Variants in MGAT4C observed in about 807,000 individuals in gnomAD.
MGAT4C encodes the protein alpha-1,3-mannosyl-glycoprotein 4-beta-N-acetylglucosaminyltransferase C.
In MGAT4C, 19 loss-of-function variants were observed where a neutral mutation model predicts 40.1. That is an observed-to-expected ratio of 0.47 (90% CI 0.33 to 0.70). The LOEUF (loss-of-function observed/expected upper bound fraction) is 0.70, where lower values mean the gene tolerates loss of function less well. Among genes scored for constraint, MGAT4C ranks in the 30% least tolerant of loss-of-function variants. MGAT4C has a pLI of 0.02. For missense variants in MGAT4C, 491 were observed against 563.2 expected (o/e 0.87, Z 1.30); for synonymous variants, 181 against 187.1 (o/e 0.97, Z 0.27).
At chr12:86,293,625 TTATGA>T (rs1953582034) in intron 4 of MGAT4C, among the ~76,000 whole-genome samples, 1 of 152,196 alleles carries the variant, frequency 6.6e-6, no homozygotes, top group Non-Finnish European at 1.5e-5. Context: ...AATTGAGTCA[TTATGA>T]TATGTTTGTA....
chr12:86,587,878 A>G (rs563282868), intron 2 of MGAT4C, among the ~76,000 whole-genome samples: 2 of 151,974 alleles, frequency 1.3e-5, no homozygotes, highest in East Asian at 2.0e-4. Flanking sequence ...TAGATATACA[A>G]TCATGTCATG....
In MGAT4C at chr12:86,232,788, T is replaced by C. The variant is rs139564811; in HGVS notation, c.-57+23451A>G. ...TGTGTCAAGGAGAAAAACAAATAAT[T>C]GGCAGCTGGATAAGAGGAGAAAATA... On this transcript the variant is annotated intron_variant, in intron 1 of 4. Transcript: ENST00000611864. Among the ~76,000 whole-genome samples, 315 of 152,194 alleles carry C rather than the reference T, an allele frequency of 2.1e-3. 1 individual carries two copies. The highest frequency in any genetic ancestry group is 7.0e-3 in the African/African-American group (289 of 41,528).
intron 2 of MGAT4C, among the ~76,000 whole-genome samples, chr12:86,603,564 TAGACTATAG>T (rs1593034321): frequency 2.6e-5 from 3 of 115,638 alleles, no homozygotes; most frequent in South Asian, 5.0e-4. Flanking sequence ...ATATAGTCTA[TAGACTATAG>T]ATAATATATA....
intron 4 of MGAT4C, among the ~76,000 whole-genome samples, chr12:86,280,204 C>T (rs1461254601): frequency 6.6e-6 from 1 of 151,830 alleles, no homozygotes; most frequent in Non-Finnish European, 1.5e-5. Context: ...TGATTTTCTG[C>T]CTGAAAGATT....
intron 4 of MGAT4C, among the ~76,000 whole-genome samples, chr12:86,275,721 T>A (rs1189669916): frequency 1.3e-5 from 2 of 152,012 alleles, no homozygotes; most frequent in Admixed American, 1.3e-4. Context: ...CTCAAGAAGC[T>A]GAGAAAGACA....
intron 4 of MGAT4C, among the ~76,000 whole-genome samples, chr12:86,273,269 G>A (rs1243125493): frequency 3.3e-5 from 5 of 151,964 alleles, no homozygotes; most frequent in Admixed American, 3.3e-4. Flanking sequence ...TGATTTTCCT[G>A]TATCTTAGAC....
At chr12:86,000,986 CA>C (rs1177468493) in intron 2 of MGAT4C, among the ~76,000 whole-genome samples, 2 of 152,138 alleles carry the variant, frequency 1.3e-5, no homozygotes, top group Non-Finnish European at 2.9e-5. Context: ...CCTGCGTTTG[CA>C]CCATCAAGAC....
In MGAT4C at chr12:86,833,282, A is replaced by T. The variant is rs1399454619; in HGVS notation, c.-262+5384T>A. Among the ~76,000 whole-genome samples, 6 of 152,006 alleles carry T rather than the reference A, an allele frequency of 3.9e-5. No individual in the cohort carries two copies. In the South Asian group the frequency reaches 1.2e-3, roughly 32 times the overall value. ...TAATTTTTAAATTTTTAACAGTGAA[A>T]GAGAGGGAGGAGAAAGAGAACACAG... On this transcript the variant is annotated intron_variant, in intron 1 of 7. Coordinates refer to the MGAT4C transcript ENST00000548651.
chr12:86,561,954 A>G (rs1959882742), intron 2 of MGAT4C, among the ~76,000 whole-genome samples: 1 of 152,206 alleles, frequency 6.6e-6, no homozygotes, highest in African/African-American at 2.4e-5. Context: ...AGTCCTGGGC[A>G]TGAACTGTTT....
intron 1 of MGAT4C, among the ~76,000 whole-genome samples, chr12:86,161,324 G>C (rs1885561952): frequency 6.6e-6 from 1 of 151,920 alleles, no homozygotes; most frequent in South Asian, 2.1e-4. Context: ...TAGACCAACA[G>C]ATCAGAATTT....
At chr12:86,824,691 A>T (rs1952769803) in intron 1 of MGAT4C, among the ~76,000 whole-genome samples, 1 of 149,806 alleles carries the variant, frequency 6.7e-6, no homozygotes, top group Non-Finnish European at 1.5e-5. Flanking sequence ...TTTACTTGAT[A>T]TCAAACATGA....
intron 2 of MGAT4C, among the ~76,000 whole-genome samples, chr12:86,045,098 C>T (rs1485188118): frequency 6.6e-6 from 1 of 152,082 alleles, no homozygotes; most frequent in African/African-American, 2.4e-5. Context: ...CTTCTGTCCA[C>T]CCTCAATGCC....
At chr12:86,829,376 G>C (rs1278357140) in intron 1 of MGAT4C, among the ~76,000 whole-genome samples, 2 of 151,370 alleles carry the variant, frequency 1.3e-5, no homozygotes, top group Non-Finnish European at 3.0e-5. Context: ...ACAACCATTA[G>C]GCTTTGTCAT....
chr12:86,376,455 T>C (rs918899280), intron 3 of MGAT4C, among the ~76,000 whole-genome samples: 109 of 152,154 alleles, frequency 7.2e-4, no homozygotes, highest in Non-Finnish European at 7.4e-5. Context: ...TGAAATACAA[T>C]TTTTTAGTCA....
intron 2 of MGAT4C, among the ~76,000 whole-genome samples, chr12:86,617,217 A>G (rs1269956513): frequency 1.3e-5 from 2 of 152,196 alleles, no homozygotes; most frequent in Non-Finnish European, 2.9e-5. Context: ...TAGTTTTGTA[A>G]TAGTTTCACG....
At chr12:86,597,693 G>A (rs1961594111) in intron 2 of MGAT4C, among the ~76,000 whole-genome samples, 1 of 152,090 alleles carries the variant, frequency 6.6e-6, no homozygotes, top group Non-Finnish European at 1.5e-5. Flanking sequence ...GGACCACACA[G>A]GAGCTGACTT....
At chr12:86,719,217 C>T (rs1432383330) in intron 2 of MGAT4C, among the ~76,000 whole-genome samples, 1 of 152,166 alleles carries the variant, frequency 6.6e-6, no homozygotes, top group Non-Finnish European at 1.5e-5. Context: ...CACTCACTCC[C>T]TCTCAAGACT....
At chr12:86,117,718 TTAAGAG>T (rs1878669874) in intron 1 of MGAT4C, among the ~76,000 whole-genome samples, 1 of 151,948 alleles carries the variant, frequency 6.6e-6, no homozygotes. Flanking sequence ...GAAACTGGGG[TTAAGAG>T]TAGGAGAAGC....
intron 2 of MGAT4C, among the ~76,000 whole-genome samples, chr12:86,631,641 A>T (rs1963047937): frequency 1.3e-5 from 2 of 152,076 alleles, no homozygotes; most frequent in Non-Finnish European, 2.9e-5. Context: ...CCTGACAAAA[A>T]CAAGAAATGG....
Sources: allele counts gnomAD v4.1 joint callset (sites outside exome capture counted in the v4.1 genomes callset), GRCh38; gene constraint gnomAD v4.1.1; transcripts MANE v1.5; gene names NCBI Gene and HGNC (gene_info 2026-07-23, HGNC 2026-07-21).